Variants in GREB1L observed in about 807,000 individuals in gnomAD.
GREB1L encodes the protein GREB1-like protein.
Under a neutral mutation model 200.8 loss-of-function variants are expected in GREB1L, and 17 were observed. The ratio of observed to expected loss-of-function variants is 0.08; its 90% CI spans 0.06 to 0.13. The LOEUF (loss-of-function observed/expected upper bound fraction) is 0.13. GREB1L is among the 10% of genes least tolerant of loss of function. The pLI, the probability that GREB1L is intolerant of heterozygous loss-of-function variation, is 1.00. For synonymous variants in GREB1L, 789 were observed against 893.0 expected (o/e 0.88, Z 2.08); for missense variants, 1,657 against 2,367.7 (o/e 0.70, Z 6.23).
At chr18:21,457,501 C>G (rs543730463) in intron 15 of GREB1L, among the ~76,000 whole-genome samples, 122 of 152,238 alleles carry the variant, frequency 8.0e-4, no homozygotes, top group Non-Finnish European at 1.4e-3. Flanking sequence ...TCCTACCATT[C>G]AAGGGTAACC....
chr18:21,259,700 T>A (rs2037859201), intron 1 of GREB1L, among the ~76,000 whole-genome samples: 1 of 152,110 alleles, frequency 6.6e-6, no homozygotes, highest in Non-Finnish European at 1.5e-5. Context: ...TTTAATTTTT[T>A]AAAAACTAGA....
chr18:21,492,075 G>A (rs531106311), intron 19 of GREB1L, among the ~76,000 whole-genome samples: 65 of 151,870 alleles, frequency 4.3e-4, no homozygotes, highest in Non-Finnish European at 8.1e-4. Flanking sequence ...GGCTGGGCAC[G>A]GTAGCTCATG....
At chr18:21,352,681 G>T (rs1174461056) in intron 1 of GREB1L, among the ~76,000 whole-genome samples, 1 of 151,620 alleles carries the variant, frequency 6.6e-6, no homozygotes, top group Non-Finnish European at 1.5e-5. Context: ...CAATCCACCC[G>T]CCTCAGCCTC....
chr18:21,499,277 T>C (rs1464458759), intron 21 of GREB1L, among the ~76,000 whole-genome samples: 3 of 151,970 alleles, frequency 2.0e-5, no homozygotes, highest in Non-Finnish European at 4.4e-5. Flanking sequence ...ACCAGGTCAT[T>C]TGAGGAGCGT....
intron 4 of GREB1L, among the ~76,000 whole-genome samples, chr18:21,386,367 C>T (rs2040539105): frequency 1.3e-5 from 2 of 152,160 alleles, no homozygotes. Flanking sequence ...CCTCAGCTCA[C>T]TGCAGCCTCC....
chr18:21,287,390 A>G (rs1335655348), intron 1 of GREB1L, among the ~76,000 whole-genome samples: 1 of 152,168 alleles, frequency 6.6e-6, no homozygotes, highest in Non-Finnish European at 1.5e-5. Context: ...CATTTGAGAT[A>G]TATGTTCCTT....
Position 21,361,956 on chromosome 18 carries a change from G to A in GREB1L, c.-119-4071G>A, listed in dbSNP as rs185579739. Among the ~76,000 whole-genome samples the A allele has an allele frequency of 2.3e-3, 356 of 152,166 alleles. 2 individuals are homozygous for A. Among genetic ancestry groups the A allele is most frequent in the African/African-American group, 8.3e-3 (346 of 41,510 alleles). Reference sequence around the variant, plus strand: ...GGTAGTTTTGGATTAATAGATTGTGGGAGATTACTTAGGGCCAGTGTGTAT... The same window carrying A: ...GGTAGTTTTGGATTAATAGATTGTGAGAGATTACTTAGGGCCAGTGTGTAT... On this transcript the variant is annotated intron_variant, in intron 1 of 32. Coordinates refer to ENST00000424526, the MANE Select transcript of GREB1L (RefSeq NM_001142966.3).
At position 21,505,514 on chromosome 18, in the gene GREB1L, A is replaced by G; in HGVS notation, c.4175A>G (p.Lys1392Arg). The G allele has an allele frequency of 6.4e-7, 1 of 1,551,778 alleles. No individual in the cohort carries two copies. The highest frequency in any genetic ancestry group is 8.7e-7 in the Non-Finnish European group (1 of 1,146,982). The change falls in exon 24 of 33, where the codon AAG becomes AGG. Residue 1392 changes from lysine to arginine, a missense_variant. Coordinates refer to ENST00000424526, the MANE Select transcript of GREB1L (RefSeq NM_001142966.3). Reference sequence around the variant, plus strand: ...TTTGATGTCAGTGTGCATGACCCCAAGTACAGTTTGATGAGCCTGGTGTAT... The same window carrying G: ...TTTGATGTCAGTGTGCATGACCCCAGGTACAGTTTGATGAGCCTGGTGTAT... ...MPFDVSVHDPKYSLMSLVYTE... is the reference protein window; with the variant it reads ...MPFDVSVHDPRYSLMSLVYTE...
chr18:21,364,380 A>G (rs762565340), intron 1 of GREB1L, among the ~76,000 whole-genome samples: 2 of 152,204 alleles, frequency 1.3e-5, no homozygotes. Flanking sequence ...GTCAAAATTT[A>G]TAAATCCTGG....
chr18:21,310,216 G>C (rs567954988), intron 1 of GREB1L, among the ~76,000 whole-genome samples: 1 of 152,146 alleles, frequency 6.6e-6, no homozygotes, highest in Non-Finnish European at 1.5e-5. Context: ...GGGCAGAAAA[G>C]GTTGGTAACT....
intron 2 of GREB1L, among the ~76,000 whole-genome samples, chr18:21,378,282 T>C (rs2040158749): frequency 6.6e-6 from 1 of 152,180 alleles, no homozygotes; most frequent in Non-Finnish European, 1.5e-5. Context: ...CCCTTCTTCT[T>C]TGGGTAGCAT....
intron 1 of GREB1L, among the ~76,000 whole-genome samples, chr18:21,281,664 T>C (rs1260932164): frequency 1.3e-5 from 2 of 152,240 alleles, no homozygotes; most frequent in East Asian, 3.8e-4. Context: ...CTTTTCTGTA[T>C]GAATACATAA....
chr18:21,272,399 C>G (rs1433674201), intron 1 of GREB1L, among the ~76,000 whole-genome samples: 1 of 152,206 alleles, frequency 6.6e-6, no homozygotes, highest in African/African-American at 2.4e-5. Context: ...TGCTGTGCAT[C>G]TAGCCAGCCT....
chr18:21,491,184 G>A (rs1159860540), intron 19 of GREB1L, among the ~76,000 whole-genome samples: 1 of 152,160 alleles, frequency 6.6e-6, no homozygotes, highest in Non-Finnish European at 1.5e-5. Flanking sequence ...AACTGAGCTA[G>A]CTACTGTATG....
intron 31 of GREB1L, among the ~76,000 whole-genome samples, chr18:21,518,588 C>A (rs889210581): frequency 6.6e-6 from 1 of 152,208 alleles, no homozygotes; most frequent in South Asian, 2.1e-4. Flanking sequence ...TCTTAACATT[C>A]ATCAGATTAT....
At chr18:21,393,609 T>G (rs1259343779) in intron 4 of GREB1L, among the ~76,000 whole-genome samples, 1 of 152,182 alleles carries the variant, frequency 6.6e-6, no homozygotes, top group Admixed American at 6.5e-5. Context: ...TTTTGTATCT[T>G]TAGTAGAGAC....
rs199677281 is a variant in GREB1L, at chr18:21,375,106, C to T, written c.-9-8404C>T. Among the ~76,000 whole-genome samples, 15 of 151,536 alleles carry T rather than the reference C, an allele frequency of 9.9e-5. No homozygotes were observed. The South Asian group carries it at 1.0e-3, about 11-fold the overall frequency. On this transcript the variant is annotated intron_variant, in intron 2 of 32. Coordinates refer to ENST00000424526, the MANE Select transcript of GREB1L (RefSeq NM_001142966.3). ...TGAGATGGAGTCTCACTCTGTTGCC[C>T]TGGCTGGAATGCAGTGGCACGAACT...
intron 1 of GREB1L, among the ~76,000 whole-genome samples, chr18:21,348,091 C>T (rs866343040): frequency 1.5e-3 from 227 of 151,816 alleles, no homozygotes; most frequent in African/African-American, 5.4e-3. Context: ...ACTACAGGCA[C>T]CCACCACCAT....
intron 1 of GREB1L, among the ~76,000 whole-genome samples, chr18:21,347,162 C>T (rs1016151048): frequency 6.6e-5 from 10 of 151,922 alleles, no homozygotes; most frequent in East Asian, 1.9e-4. Context: ...CCTGTAGTCC[C>T]AGCTACTAGG....
Sources: gnomAD v4.1 joint callset for allele counts (sites outside exome capture counted in the v4.1 genomes callset) on GRCh38, gnomAD v4.1.1 for gene constraint, MANE v1.5 for transcripts, NCBI Gene and HGNC (gene_info 2026-07-23, HGNC 2026-07-21) for gene names.